CEP44: variants seen among roughly 807,000 people sequenced by gnomAD.
CEP44 encodes the protein centrosomal protein 44, also known as centrosomal protein of 44 kDa.
In CEP44, 45 loss-of-function variants were observed where a neutral mutation model predicts 46.7. The observed-to-expected ratio is 0.96, with a 90% CI of 0.76 to 1.24. The LOEUF (loss-of-function observed/expected upper bound fraction) is 1.24, where lower values mean the gene tolerates loss of function less well. Among genes scored for constraint, CEP44 ranks in the 50% most tolerant of loss-of-function variants. The pLI is 0.00. For missense variants in CEP44, 475 were observed against 459.7 expected (o/e 1.03, Z -0.30); for synonymous variants, 142 against 146.0 (o/e 0.97, Z 0.20).
At chr4:174,313,361 G>A (rs1031684969) in intron 9 of CEP44, among the ~76,000 whole-genome samples, 2 of 146,210 alleles carry the variant, frequency 1.4e-5, no homozygotes, top group Non-Finnish European at 3.0e-5. Context: ...GCTTTGTTTT[G>A]TGCCTTTTTT....
intron 6 of CEP44, among the ~76,000 whole-genome samples, chr4:174,308,125 T>C (rs1740646810): frequency 6.6e-6 from 1 of 152,136 alleles, no homozygotes; most frequent in African/African-American, 2.4e-5. Context: ...ATATAAATTG[T>C]TCTGTTGTAA....
intron 11 of CEP44, 103 bp downstream of exon 11, chr4:174,316,670 C>A: frequency 1.9e-6 from 2 of 1,061,560 alleles, no homozygotes; most frequent in Non-Finnish European, 2.7e-6. Context: ...CCTTAAAGGT[C>A]TCTCAATCAG....
At chr4:174,307,217 C>T (rs1329615439) in intron 6 of CEP44, among the ~76,000 whole-genome samples, 2 of 152,154 alleles carry the variant, frequency 1.3e-5, no homozygotes, top group Non-Finnish European at 2.9e-5. Context: ...AACTATACTA[C>T]AGGGCTACAG....
upstream of CEP44, chr4:174,283,849 A>G (rs1028977738): frequency 2.5e-5 from 10 of 398,694 alleles, no homozygotes; most frequent in Admixed American, 8.8e-5. The surrounding 1 kb of genome is among the most constrained non-coding windows in gnomAD (Gnocchi z 6.7). Flanking sequence ...CTCTCAGCGG[A>G]GTCGCTCTTC....
rs1731315649 is a variant in CEP44, at chr4:174,331,457, G to A, written c.1087-25G>A. The A allele has an allele frequency of 6.5e-7, 1 of 1,550,280 alleles. No homozygotes were observed. Among genetic ancestry groups the A allele is most frequent in the East Asian group, 2.4e-5 (1 of 40,914 alleles). On this transcript the variant is annotated intron_variant, in intron 8 of 8. Transcript: ENST00000426172. This position sits in a 1 kb window ranked among gnomAD's most constrained non-coding sequence, Gnocchi z 4.5. ...CAATGCATTTAGATCATATTTTAAT[G>A]TATAATTTTGTGTTTCCTTTCTAGA...
At chr4:174,305,932 TAAAGC>T (rs918152135) in intron 6 of CEP44, among the ~76,000 whole-genome samples, 1 of 152,176 alleles carries the variant, frequency 6.6e-6, no homozygotes, top group Non-Finnish European at 1.5e-5. Context: ...TTAATTTTCT[TAAAGC>T]AAAGTTTTCT....
downstream of CEP44, among the ~76,000 whole-genome samples, chr4:174,322,896 T>C (rs1307713657): frequency 6.6e-6 from 1 of 152,194 alleles, no homozygotes; most frequent in African/African-American, 2.4e-5. Flanking sequence ...TTGGTAACTT[T>C]TAAAATAGTT....
rs1188280392 is a variant in CEP44 at position 174,312,634 on chromosome 4, G to A, written c.961+1776G>A. Among the ~76,000 whole-genome samples, 2 of 152,038 alleles carry A rather than the reference G, an allele frequency of 1.3e-5. No homozygotes were observed. Among genetic ancestry groups the A allele is most frequent in the Admixed American group, 6.6e-5 (1 of 15,238 alleles). On this transcript the variant is annotated intron_variant, in intron 9 of 11. Transcript: ENST00000503780. This position sits in a 1 kb window ranked among gnomAD's most constrained non-coding sequence, Gnocchi z 4.5. ...TAGCTAAATTTCAACAACTGTGCCA[G>A]GACTGAAAGTAATTAACAGGCCTCT...
chr4:174,327,206 G>A lies in CEP44; in HGVS notation c.1087-4276G>A, dbSNP rs147643754. On this transcript the variant is annotated intron_variant, in intron 8 of 8. Transcript: ENST00000426172. ...ATATATTTAGAGAGAGAGAGAGAGA[G>A]AAAAAACAGATAAATGGTATCAAAA... Among the ~76,000 whole-genome samples the A allele has an allele frequency of 7.2e-3, 1,047 of 146,090 alleles. 6 individuals are homozygous for A. Among genetic ancestry groups the A allele is most frequent in the Admixed American group, 0.011 (160 of 14,600 alleles).
At position 174,316,218 on chromosome 4, in the gene CEP44, T is replaced by C. The variant is rs1741693204; in HGVS notation, c.1014T>C (p.Tyr338=). The C allele has an allele frequency of 3.1e-6, 5 of 1,613,852 alleles. No homozygotes were observed. The highest frequency in any genetic ancestry group is 4.2e-6 in the Non-Finnish European group (5 of 1,179,788). Reference sequence around the variant, plus strand: ...CAAGTATTCCTCTGTCCTCTGGCTATAGTACAGCATCATCAGATTCAACTC... The same window carrying C: ...CAAGTATTCCTCTGTCCTCTGGCTACAGTACAGCATCATCAGATTCAACTC... ...RPASIPLSSG[Y]STASSDSTPR... is the part of the protein sequence containing the mutation. Residue 338 remains tyrosine (Y), a synonymous_variant, in exon 10 of 12, where the codon TAT becomes TAC. Coordinates refer to ENST00000503780, the MANE Select transcript of CEP44 (RefSeq NM_001040157.3).
rs1252332475 is a variant in CEP44, at chr4:174,304,236, T to G, written c.385-11T>G. The G allele has an allele frequency of 3.4e-6, 5 of 1,463,244 alleles. No individual in the cohort carries two copies. The allele number at this position is 1,463,244 out of a possible 1,614,324, so 90.6% of individuals were successfully genotyped here. On this transcript the variant is annotated splice_polypyrimidine_tract_variant and intron_variant, in intron 5 of 11. Coordinates refer to ENST00000503780, the MANE Select transcript of CEP44 (RefSeq NM_001040157.3). ...AAAATTTGTTATTTTGACTAATACCTTTTTTTTTAGATTCCATCACAACAA... is the reference window on the plus strand; with the variant it reads ...AAAATTTGTTATTTTGACTAATACCGTTTTTTTTAGATTCCATCACAACAA...
At chr4:174,315,032 A>C (rs1579148097) in intron 9 of CEP44, among the ~76,000 whole-genome samples, 1 of 152,298 alleles carries the variant, frequency 6.6e-6, no homozygotes, top group South Asian at 2.1e-4. Flanking sequence ...GTCAGCAGAG[A>C]AAGCCATTCT....
intron 8 of CEP44, among the ~76,000 whole-genome samples, chr4:174,330,226 C>A (rs1017126857): frequency 1.3e-5 from 2 of 152,092 alleles, no homozygotes; most frequent in South Asian, 4.1e-4. Context: ...CAGTGGCTCA[C>A]GCCTGTAATC....
chr4:174,318,054 C>T lies in CEP44; in HGVS notation c.*671C>T, dbSNP rs1741930561. On this transcript the variant is annotated 3_prime_UTR_variant, in exon 12 of 12. Transcript: ENST00000503780. ...GAAATGTGTTGAACATTTTAGTATG[C>T]TCTATTGTATAATTTTTTTGGAGGG... 1 of 985,150 alleles carries T rather than the reference C, an allele frequency of 1.0e-6. No individual in the cohort carries two copies. The highest frequency in any genetic ancestry group is 6.2e-5 in the Admixed American group (1 of 16,248). The allele number at this position is 985,150 out of a possible 1,614,324, so 61.0% of individuals were successfully genotyped here. A position where few individuals can be genotyped will look rare whatever the true frequency, so the allele number is the denominator to read the frequency against.
Position 174,290,659 on chromosome 4 carries a change from A to G in CEP44, c.-148+6716A>G, listed in dbSNP as rs1019364762. On this transcript the variant is annotated intron_variant, in intron 1 of 11. Transcript: ENST00000503780. This position sits in a 1 kb window ranked among gnomAD's most constrained non-coding sequence, Gnocchi z 4.3. ...GTATCAAAGTCTCCTTCTGTATTGT[A>G]TTGATATCTATTTCTTCCTCCAATT... Among the ~76,000 whole-genome samples the G allele has an allele frequency of 3.9e-5, 6 of 152,108 alleles. No homozygotes were observed. The highest frequency in any genetic ancestry group is 1.4e-4 in the African/African-American group (6 of 41,442).
chr4:174,313,298 G>A (rs1390482267), intron 9 of CEP44, among the ~76,000 whole-genome samples: 1 of 151,518 alleles, frequency 6.6e-6, no homozygotes, highest in Non-Finnish European at 1.5e-5. Flanking sequence ...GGTGTTAATT[G>A]CCAGACAGGG....
chr4:174,301,886 T>G lies in CEP44; in HGVS notation c.90-153T>G, dbSNP rs1453493463. 6.6e-6 allele frequency among the ~76,000 whole-genome samples: 1 copy of G among 152,164 alleles called. No individual in the cohort carries two copies. The highest frequency in any genetic ancestry group is 1.5e-5 in the Non-Finnish European group (1 of 68,000). ...GACTGGTTTCAAATGGGGAATGGAATCTAGAAAGTCTCATGTATCACCTAA... is the reference window on the plus strand; with the variant it reads ...GACTGGTTTCAAATGGGGAATGGAAGCTAGAAAGTCTCATGTATCACCTAA... On this transcript the variant is annotated intron_variant, in intron 3 of 11. Transcript: ENST00000503780. This position sits in a 1 kb window ranked among gnomAD's most constrained non-coding sequence, Gnocchi z 4.3.
chr4:174,322,523 C>T (rs567584521), downstream of CEP44, among the ~76,000 whole-genome samples: 16 of 152,104 alleles, frequency 1.1e-4, no homozygotes, highest in African/African-American at 7.2e-5. Flanking sequence ...TTCTTCATTT[C>T]GGTTTGTACA....
Position 174,316,559 on chromosome 4 carries a change from GA to G in CEP44, c.1123del (p.Met375CysfsTer9). 1.3e-6 allele frequency: 2 copies of G among 1,586,812 alleles called. No homozygotes were observed. Among genetic ancestry groups the G allele is most frequent in the South Asian group, 1.2e-5 (1 of 86,780 alleles). ...CAACAATCCAGAAAATGGAAAGGAT[GA>G]AAAAAATGTAAGTAACAGAAAGGGG... ...ETTIQKMERM[K>X]KMFEETAELL... On this transcript the variant is annotated frameshift_variant, in exon 11 of 12. Coordinates refer to ENST00000503780, the MANE Select transcript of CEP44 (RefSeq NM_001040157.3). LOFTEE classifies it high-confidence loss of function.
Sources: allele counts gnomAD v4.1 joint callset (sites outside exome capture counted in the v4.1 genomes callset), GRCh38; gene constraint gnomAD v4.1.1; non-coding constraint Gnocchi (gnomAD v3.1); transcripts MANE v1.5; gene names NCBI Gene and HGNC (gene_info 2026-07-23, HGNC 2026-07-21).